SLC25A21: variants seen among roughly 807,000 people sequenced by gnomAD.
SLC25A21 encodes solute carrier family 25 member 21.
SLC25A21 carries 47 observed loss-of-function variants against 43.8 expected under a neutral mutation model. That is an observed-to-expected ratio of 1.07 (90% confidence interval 0.85 to 1.37). The LOEUF (loss-of-function observed/expected upper bound fraction) is 1.37. Ranked by LOEUF, SLC25A21 falls within the 40% of genes most tolerant of loss-of-function variation. The probability of loss-of-function intolerance (pLI) is 0.00; values close to 1 mark genes in which losing one functional copy is unlikely to be tolerated. For missense variants in SLC25A21, 352 were observed against 350.2 expected, an observed-to-expected ratio of 1.00 and a Z score of -0.04; for synonymous variants, 131 against 121.3, an observed-to-expected ratio of 1.08 and a Z score of -0.52.
intron 1 of SLC25A21, among the ~76,000 whole-genome samples, chr14:37,134,276 A>G (rs1594810054): frequency 6.6e-6 from 1 of 152,358 alleles, no homozygotes; most frequent in South Asian, 2.1e-4. Context: ...TTTATTCCCT[A>G]TGATGAGTCC....
intron 1 of SLC25A21, among the ~76,000 whole-genome samples, chr14:37,051,127 G>A (rs1566843762): frequency 6.6e-6 from 1 of 152,170 alleles, no homozygotes; most frequent in East Asian, 1.9e-4. Context: ...AGCTCCATGA[G>A]GAAAGGACTT....
At chr14:36,695,634 G>A (rs957263938) in intron 7 of SLC25A21, among the ~76,000 whole-genome samples, 1 of 152,092 alleles carries the variant, frequency 6.6e-6, no homozygotes, top group African/African-American at 2.4e-5. Context: ...CACATTCCTT[G>A]TAAGTTTGAT....
intron 2 of SLC25A21, among the ~76,000 whole-genome samples, chr14:36,833,542 A>G (rs1381700399): frequency 6.6e-6 from 1 of 152,250 alleles, no homozygotes; most frequent in Non-Finnish European, 1.5e-5. Context: ...AAGTACCTAA[A>G]TAACAGGCCA....
intron 1 of SLC25A21, among the ~76,000 whole-genome samples, chr14:37,057,666 T>C (rs1378135566): frequency 6.6e-6 from 1 of 152,230 alleles, no homozygotes; most frequent in Non-Finnish European, 1.5e-5. Flanking sequence ...ATTGATGAAT[T>C]ACAATGTTGT....
Position 36,679,957 on chromosome 14 carries a change from A to AGTG in SLC25A21, c.*698_*700dup. ...CTTGATTTAAACATGCTTAAACAAC[A>AGTG]GTGTTTTAACATTCTGTTTTAAACA... On this transcript the variant is annotated 3_prime_UTR_variant, in exon 10 of 10. Transcript: ENST00000331299. The AGTG allele has an allele frequency of 2.4e-6, 2 of 829,600 alleles. No homozygotes were observed. Among genetic ancestry groups the AGTG allele is most frequent in the Middle Eastern group, 6.2e-4 (1 of 1,608 alleles). 51.4% of individuals were successfully genotyped at this position (829,600 alleles called of 1,614,324 possible).
chr14:36,820,799 C>T (rs1031107466), intron 2 of SLC25A21, among the ~76,000 whole-genome samples: 5 of 152,088 alleles, frequency 3.3e-5, no homozygotes, highest in African/African-American at 7.2e-5. Context: ...ATGAGCCTAA[C>T]GAAACTCCCT....
chr14:36,965,919 G>A (rs1189434316), intron 1 of SLC25A21, among the ~76,000 whole-genome samples: 1 of 152,112 alleles, frequency 6.6e-6, no homozygotes, highest in African/African-American at 2.4e-5. Context: ...AAATGCTTGA[G>A]GGGATGAATA....
chr14:37,016,453 G>C (rs974507343), intron 1 of SLC25A21, among the ~76,000 whole-genome samples: 1 of 152,128 alleles, frequency 6.6e-6, no homozygotes, highest in Non-Finnish European at 1.5e-5. Context: ...TAGCCTTGTA[G>C]CATAGTTTGA....
rs776471635 is a variant in SLC25A21 at position 36,814,003 on chromosome 14, T to C, written c.120-2A>G. 2 of 1,595,896 alleles carry C rather than the reference T, an allele frequency of 1.3e-6. No individual in the cohort carries two copies. Among genetic ancestry groups the C allele is most frequent in the Non-Finnish European group, 1.7e-6 (2 of 1,175,062 alleles). On this transcript the variant is annotated splice_acceptor_variant, in intron 2 of 9. Transcript: ENST00000331299. LOFTEE classifies it high-confidence loss of function. ...GTTGCACATCTCTGAATCTGAAACC[T>C]AGAAGCAAAATCAAACCAAAAATTC...
At chr14:36,718,696 G>A (rs1200748525) in intron 6 of SLC25A21, among the ~76,000 whole-genome samples, 1 of 152,140 alleles carries the variant, frequency 6.6e-6, no homozygotes, top group African/African-American at 2.4e-5. Context: ...CCAGGATAAA[G>A]TGTGTAGAGC....
chr14:36,936,864 CAGG>C (rs1269444233), intron 1 of SLC25A21, among the ~76,000 whole-genome samples: 4 of 152,244 alleles, frequency 2.6e-5, no homozygotes, highest in Admixed American at 6.5e-5. Flanking sequence ...AATCCCCACA[CAGG>C]AGGAGATCAA....
intron 1 of SLC25A21, among the ~76,000 whole-genome samples, chr14:36,923,705 C>T (rs975885905): frequency 1.3e-5 from 2 of 152,014 alleles, no homozygotes; most frequent in Admixed American, 6.6e-5. Context: ...TCCATGGGTT[C>T]GCATCCTCAG....
At chr14:37,051,515 A>G (rs1025477983) in intron 1 of SLC25A21, among the ~76,000 whole-genome samples, 5 of 152,224 alleles carry the variant, frequency 3.3e-5, no homozygotes, top group African/African-American at 9.6e-5. Flanking sequence ...ACCTATTCTT[A>G]CCTATTCAAT....
At chr14:37,163,305 T>C (rs1963980378) in intron 1 of SLC25A21, among the ~76,000 whole-genome samples, 1 of 150,720 alleles carries the variant, frequency 6.6e-6, no homozygotes. Flanking sequence ...AATAAATAAA[T>C]AAATAAATAA....
At chr14:37,158,185 A>G (rs1047553805) in intron 1 of SLC25A21, among the ~76,000 whole-genome samples, 7 of 152,302 alleles carry the variant, frequency 4.6e-5, no homozygotes, top group Admixed American at 4.6e-4. Flanking sequence ...TTCTCCTGAA[A>G]CTATTGCAAA....
At chr14:36,771,617 G>C (rs1473208768) in intron 3 of SLC25A21, among the ~76,000 whole-genome samples, 1 of 152,096 alleles carries the variant, frequency 6.6e-6, no homozygotes, top group Non-Finnish European at 1.5e-5. Context: ...CTCTAGAGAA[G>C]AGTTTCTCTC....
intron 6 of SLC25A21, chr14:36,725,358 C>G (rs898820380): frequency 5.7e-6 from 1 of 176,236 alleles, no homozygotes. Context: ...GCCTGTAATC[C>G]CAGCTACGAG....
intron 1 of SLC25A21, among the ~76,000 whole-genome samples, chr14:37,130,912 G>C (rs1963381607): frequency 6.6e-6 from 1 of 152,228 alleles, no homozygotes; most frequent in Non-Finnish European, 1.5e-5. Context: ...TAATGGGCTA[G>C]CAGAATATGC....
At chr14:37,117,360 A>T (rs1490818447) in intron 1 of SLC25A21, among the ~76,000 whole-genome samples, 1 of 152,138 alleles carries the variant, frequency 6.6e-6, no homozygotes, top group Admixed American at 6.6e-5. Flanking sequence ...TTACCATAAG[A>T]TGTGGCTCAG....
Sources: gnomAD v4.1 joint callset for allele counts (sites outside exome capture counted in the v4.1 genomes callset) on GRCh38, gnomAD v4.1.1 for gene constraint, MANE v1.5 for transcripts, NCBI Gene and HGNC (gene_info 2026-07-23, HGNC 2026-07-21) for gene names.